Variants in OPCML observed in about 807,000 individuals in gnomAD.
The protein encoded by OPCML is opioid-binding protein/cell adhesion molecule.
OPCML carries 13 observed loss-of-function variants against 37.8 expected under a neutral mutation model. The ratio of observed to expected loss-of-function variants is 0.34; its 90% CI spans 0.22 to 0.55. OPCML has a LOEUF of 0.55. OPCML is among the 20% of genes least tolerant of loss of function. OPCML has a pLI of 0.91. For synonymous variants in OPCML, 176 were observed against 168.8 expected (o/e 1.04, Z -0.33); for missense variants, 341 against 435.6 (o/e 0.78, Z 1.93).
At chr11:132,715,457 T>G (rs1223501556) in intron 2 of OPCML, among the ~76,000 whole-genome samples, 1 of 152,206 alleles carries the variant, frequency 6.6e-6, no homozygotes, top group Non-Finnish European at 1.5e-5. Context: ...GAACAATGTA[T>G]GCATCCACAC....
chr11:133,204,874 A>ATATATATATATATATATGTGTG (rs1938972466), intron 1 of OPCML, among the ~76,000 whole-genome samples: 1 of 18,962 alleles, frequency 5.3e-5, no homozygotes, highest in Non-Finnish European at 1.3e-4. Context: ...ATGTGTATAT[A>ATATATATATATATATATGTGTG]TATATATATA....
At chr11:133,378,649 ATTTCTTTCTTTTC>A (rs1014430382) in intron 1 of OPCML, among the ~76,000 whole-genome samples, 6 of 151,438 alleles carry the variant, frequency 4.0e-5, no homozygotes, top group African/African-American at 1.2e-4. Flanking sequence ...CTGCATGCGA[ATTTCTTTCTTTTC>A]TTTCTTTCTT....
chr11:132,923,921 G>A (rs1438854249), intron 2 of OPCML, among the ~76,000 whole-genome samples: 1 of 151,716 alleles, frequency 6.6e-6, no homozygotes, highest in Non-Finnish European at 1.5e-5. Context: ...GTGTCACTAC[G>A]CCCAGCTAAT....
At chr11:133,327,440 C>T (rs1011517842) in intron 1 of OPCML, among the ~76,000 whole-genome samples, 5 of 151,770 alleles carry the variant, frequency 3.3e-5, no homozygotes, top group African/African-American at 9.7e-5. Flanking sequence ...GTCAACTGCT[C>T]GAGGTAATTC....
At chr11:132,479,032 C>T (rs1027613584) in intron 4 of OPCML, among the ~76,000 whole-genome samples, 7 of 152,110 alleles carry the variant, frequency 4.6e-5, no homozygotes, top group African/African-American at 1.7e-4. Context: ...GGGAGAGGAG[C>T]CAAGATGGCC....
At chr11:132,439,647 T>C (rs1424146114) in intron 4 of OPCML, among the ~76,000 whole-genome samples, 1 of 151,274 alleles carries the variant, frequency 6.6e-6, no homozygotes, top group Non-Finnish European at 1.5e-5. Flanking sequence ...TTTTAAGGAT[T>C]AAACAACAAT....
chr11:133,206,006 A>G lies in OPCML; in HGVS notation c.62-262996T>C, dbSNP rs1300849921. Among the ~76,000 whole-genome samples the G allele has an allele frequency of 6.6e-6, 1 of 152,204 alleles. No individual in the cohort carries two copies. Among genetic ancestry groups the G allele is most frequent in the Non-Finnish European group, 1.5e-5 (1 of 68,030 alleles). On this transcript the variant is annotated intron_variant, in intron 1 of 7. Transcript: ENST00000524381. This position sits in a 1 kb window ranked among gnomAD's most constrained non-coding sequence, Gnocchi z 4.7. ...CCCTGATGGGTGAGATGGAGATGCT[A>G]CTACTGCCGTGAGGAATACAAGAGC...
At chr11:132,903,860 C>T (rs1234425692) in intron 2 of OPCML, among the ~76,000 whole-genome samples, 1 of 152,094 alleles carries the variant, frequency 6.6e-6, no homozygotes, top group Non-Finnish European at 1.5e-5. Context: ...TGCATGTGCA[C>T]GTGTGTGTAG....
intron 1 of OPCML, among the ~76,000 whole-genome samples, chr11:133,253,712 A>G (rs1941218241): frequency 6.6e-6 from 1 of 152,236 alleles, no homozygotes; most frequent in African/African-American, 2.4e-5. Flanking sequence ...TAAGCAAATA[A>G]ACAAACTAGT....
chr11:132,532,449 T>A (rs765149121), intron 3 of OPCML, among the ~76,000 whole-genome samples: 2 of 152,224 alleles, frequency 1.3e-5, no homozygotes, highest in Non-Finnish European at 2.9e-5. Flanking sequence ...TTCAAATTGC[T>A]TGTTTATGGA....
At chr11:132,494,238 G>T (rs1278696097) in intron 4 of OPCML, among the ~76,000 whole-genome samples, 3 of 152,188 alleles carry the variant, frequency 2.0e-5, no homozygotes, top group African/African-American at 7.2e-5. Flanking sequence ...TTCCCATACT[G>T]CTGTGAATCA....
At position 132,881,099 on chromosome 11, in the gene OPCML, A is replaced by C. The variant is rs190639919; in HGVS notation, c.146+61827T>G. Reference sequence around the variant, plus strand: ...GCCCACAGCACTCTGGGTGCCCCAAATGCCACCATTTATTCTTTAGTTGGG... The same window carrying C: ...GCCCACAGCACTCTGGGTGCCCCAACTGCCACCATTTATTCTTTAGTTGGG... On this transcript the variant is annotated intron_variant, in intron 2 of 7. Coordinates refer to ENST00000524381, the MANE Select transcript of OPCML (RefSeq NM_001012393.5). Among the ~76,000 whole-genome samples the C allele has an allele frequency of 1.7e-3, 266 of 152,368 alleles. 3 individuals carry two copies. Among genetic ancestry groups the C allele is most frequent in the African/African-American group, 6.0e-3 (251 of 41,594 alleles).
chr11:132,651,945 A>T (rs997201414), intron 3 of OPCML, among the ~76,000 whole-genome samples: 4 of 152,118 alleles, frequency 2.6e-5, no homozygotes, highest in African/African-American at 9.7e-5. Flanking sequence ...GCAGGAAAGC[A>T]GGTAGAGAAT....
At chr11:132,947,623 C>T (rs1445137790) in intron 1 of OPCML, among the ~76,000 whole-genome samples, 2 of 152,116 alleles carry the variant, frequency 1.3e-5, no homozygotes, top group African/African-American at 4.8e-5. Flanking sequence ...GAATATAAGG[C>T]TGAGACCAAA....
chr11:132,952,124 G>A (rs1372151581), intron 1 of OPCML, among the ~76,000 whole-genome samples: 2 of 152,202 alleles, frequency 1.3e-5, no homozygotes, highest in South Asian at 2.1e-4. Flanking sequence ...GGTTTGATGC[G>A]TATTTGTATG....
At chr11:133,098,238 T>C (rs1347686386) in intron 1 of OPCML, among the ~76,000 whole-genome samples, 1 of 145,472 alleles carries the variant, frequency 6.9e-6, no homozygotes, top group African/African-American at 2.6e-5. Flanking sequence ...TTTTTGGAGA[T>C]GGAGTCTCAC....
intron 2 of OPCML, among the ~76,000 whole-genome samples, chr11:132,804,530 GA>G (rs1291040749): frequency 6.6e-6 from 1 of 152,176 alleles, no homozygotes; most frequent in Non-Finnish European, 1.5e-5. Context: ...CACTGCTGGG[GA>G]AAATGCAGTG....
At chr11:133,013,988 C>T (rs1015842358) in intron 1 of OPCML, among the ~76,000 whole-genome samples, 20 of 152,156 alleles carry the variant, frequency 1.3e-4, no homozygotes, top group Non-Finnish European at 2.5e-4. Flanking sequence ...ACAAAAGGAA[C>T]CCTGCTCCTC....
At chr11:132,532,080 T>C (rs532990599) in intron 3 of OPCML, among the ~76,000 whole-genome samples, 2 of 152,300 alleles carry the variant, frequency 1.3e-5, no homozygotes, top group African/African-American at 4.8e-5. Flanking sequence ...TCGTATCTCA[T>C]GCGATAGTGT....
Sources: gnomAD v4.1 joint callset for allele counts (sites outside exome capture counted in the v4.1 genomes callset) on GRCh38, gnomAD v4.1.1 for gene constraint, Gnocchi (gnomAD v3.1) non-coding constraint, MANE v1.5 for transcripts, NCBI Gene and HGNC (gene_info 2026-07-23, HGNC 2026-07-21) for gene names.